The following KMT2A variants were observed in gnomAD, a reference collection of about 807,000 sequenced individuals.
The protein encoded by KMT2A is lysine methyltransferase 2A.
Under a neutral mutation model 345.3 loss-of-function variants are expected in KMT2A, and 16 were observed. That is an observed-to-expected ratio of 0.05 (90% CI 0.03 to 0.07). KMT2A has a LOEUF of 0.07. Ranked by LOEUF, KMT2A falls within the 10% of genes least tolerant of loss-of-function variation. KMT2A has a pLI of 1.00. For synonymous variants in KMT2A, 1,599 were observed against 1,778.6 expected, an observed-to-expected ratio of 0.90 and a Z score of 2.54; for missense variants, 3,272 against 4,841.6, an observed-to-expected ratio of 0.68 and a Z score of 9.62.
Position 118,494,634 on chromosome 11 carries a change from T to C in KMT2A, c.5290-60T>C. On this transcript the variant is annotated intron_variant, in intron 17 of 35. Coordinates refer to ENST00000534358, the MANE Select transcript of KMT2A (RefSeq NM_001197104.2). The surrounding 1 kb of genome is among the most constrained non-coding windows in gnomAD (Gnocchi z 5.8). ...TAACAGAGAAGCTGGTTTGAAGATT[T>C]TTCATGTGGTATCTAAATGAGTGTT... 6.9e-7 allele frequency: 1 copy of C among 1,440,528 alleles called. No homozygotes were observed. Among genetic ancestry groups the C allele is most frequent in the Non-Finnish European group, 9.7e-7 (1 of 1,032,012 alleles). The allele number at this position is 1,440,528 out of a possible 1,614,324, so 89.2% of individuals were successfully genotyped here.
chr11:118,456,015 A>AT (rs1166541315), intron 1 of KMT2A, among the ~76,000 whole-genome samples: 7 of 150,574 alleles, frequency 4.6e-5, no homozygotes, highest in African/African-American at 7.3e-5. Flanking sequence ...TACATTTTTA[A>AT]TTTTTTTTTA....
At chr11:118,440,782 A>ATT (rs797030448) in intron 1 of KMT2A, among the ~76,000 whole-genome samples, 6 of 133,972 alleles carry the variant, frequency 4.5e-5, no homozygotes, top group African/African-American at 5.5e-5. Context: ...GGAGAGCGTG[A>ATT]TTTTTTTTTT....
chr11:118,473,144 G>T lies in KMT2A; in HGVS notation c.1985G>T (p.Gly662Val). ...CCTCCACTAACTCCCGAGGACGTTG[G>T]CTTTGCATCTGGTTTTTCTGCATCT... is the stretch of plus-strand genomic sequence containing the variant. ...RPPPLTPEDV[G>V]FASGFSASGT... Residue 662 changes from glycine to valine, a missense_variant, in exon 3 of 36, where the codon GGC (glycine) becomes GTC (valine). Gly to Val is a moderately radical substitution (Grantham distance 109, BLOSUM62 -3). Transcript: ENST00000534358. This position sits in a 1 kb window ranked among gnomAD's most constrained non-coding sequence, Gnocchi z 5.2. The T allele has an allele frequency of 6.2e-7, 1 of 1,614,074 alleles. No individual in the cohort carries two copies. The highest frequency in any genetic ancestry group is 1.1e-5 in the South Asian group (1 of 91,084).
intron 1 of KMT2A, among the ~76,000 whole-genome samples, chr11:118,464,968 T>C (rs1439470068): frequency 6.6e-6 from 1 of 152,140 alleles, no homozygotes; most frequent in African/African-American, 2.4e-5. Context: ...TTCACCAGAG[T>C]CCTGCTCCAT....
In KMT2A at chr11:118,491,422, A is replaced by C; in HGVS notation, c.4819+104A>C. 1 of 1,144,644 alleles carries C rather than the reference A, an allele frequency of 8.7e-7. No individual in the cohort carries two copies. The highest frequency in any genetic ancestry group is 1.2e-6 in the Non-Finnish European group (1 of 820,642). The allele number at this position is 1,144,644 out of a possible 1,614,324, so 70.9% of individuals were successfully genotyped here. A position where few individuals can be genotyped will look rare whatever the true frequency, so the allele number is the denominator to read the frequency against. Reference sequence around the variant, plus strand: ...AATTATGGTTGTGTTGTTATTTGAAATCTCTAAATTTATTTTTTAGTCTCT... The same window carrying C: ...AATTATGGTTGTGTTGTTATTTGAACTCTCTAAATTTATTTTTTAGTCTCT... On this transcript the variant is annotated intron_variant, in intron 14 of 35. Transcript: ENST00000534358. The surrounding 1 kb of genome is among the most constrained non-coding windows in gnomAD (Gnocchi z 4.2).
chr11:118,521,529 C>A lies in KMT2A; in HGVS notation c.11643+112C>A. 7.8e-7 allele frequency: 1 copy of A among 1,289,176 alleles called. No individual in the cohort carries two copies. Among genetic ancestry groups the A allele is most frequent in the Non-Finnish European group, 1.1e-6 (1 of 948,056 alleles). 79.9% of individuals were successfully genotyped at this position (1,289,176 alleles called of 1,614,324 possible). Reference sequence around the variant, plus strand: ...GTATGTTATCAATTCAGAGACCTTTCTTAAAAAAATAAACTCTGAAATTTG... The same window carrying A: ...GTATGTTATCAATTCAGAGACCTTTATTAAAAAAATAAACTCTGAAATTTG... On this transcript the variant is annotated intron_variant, in intron 35 of 35. Coordinates refer to ENST00000534358, the MANE Select transcript of KMT2A (RefSeq NM_001197104.2). This position sits in a 1 kb window ranked among gnomAD's most constrained non-coding sequence, Gnocchi z 5.3.
intron 1 of KMT2A, among the ~76,000 whole-genome samples, chr11:118,454,040 A>C (rs1282279976): frequency 6.6e-6 from 1 of 152,158 alleles, no homozygotes; most frequent in Admixed American, 6.5e-5. Context: ...TTACATCCAA[A>C]ATAAGCCCTA....
rs1375197863 is a variant in KMT2A at position 118,476,638 on chromosome 11, C to T, written c.3157-167C>T. ...TTTTTTTGTGCTGCCAATTAGGATA[C>T]AGTAATAGTTGATTTCTGTTTTGAT... On this transcript the variant is annotated intron_variant, in intron 3 of 35. Coordinates refer to ENST00000534358, the MANE Select transcript of KMT2A (RefSeq NM_001197104.2). The surrounding 1 kb of genome is among the most constrained non-coding windows in gnomAD (Gnocchi z 4.1). Among the ~76,000 whole-genome samples the T allele has an allele frequency of 6.6e-6, 1 of 152,052 alleles. No homozygotes were observed. The highest frequency in any genetic ancestry group is 1.5e-5 in the Non-Finnish European group (1 of 68,022).
chr11:118,472,609 G>A lies in KMT2A; in HGVS notation c.1450G>A (p.Val484Ile), dbSNP rs560915401. Residue 484 changes from valine (V) to isoleucine (I), a missense_variant, in exon 3 of 36, where the codon GTT becomes ATT. Transcript: ENST00000534358. ...SDSSRSSSPS[V>I]DTSTDSQASE... ...CTCCTCTCGATCTAGTAGCCCCAGT[G>A]TTGATACCTCCACAGACTCTCAGGC... 5 of 1,611,862 alleles carry A rather than the reference G, an allele frequency of 3.1e-6. No individual in the cohort carries two copies. The East Asian group carries it at 6.7e-5, about 22-fold the overall frequency.
Position 118,521,882 on chromosome 11 carries a change from C to A in KMT2A, c.11644-15C>A. 1 of 1,606,642 alleles carries A rather than the reference C, an allele frequency of 6.2e-7. No homozygotes were observed. The highest frequency in any genetic ancestry group is 8.5e-7 in the Non-Finnish European group (1 of 1,173,660). On this transcript the variant is annotated splice_polypyrimidine_tract_variant and intron_variant, in intron 35 of 35. Coordinates refer to ENST00000534358, the MANE Select transcript of KMT2A (RefSeq NM_001197104.2). The surrounding 1 kb of genome is among the most constrained non-coding windows in gnomAD (Gnocchi z 5.3). ...AAGAAATGACAAGTTCTTCTCCCTT[C>A]TTCTGCATGTGCAGGGCATTGGTTG...
At chr11:118,455,679 TA>T (rs1949628127) in intron 1 of KMT2A, among the ~76,000 whole-genome samples, 1 of 148,540 alleles carries the variant, frequency 6.7e-6, no homozygotes, top group East Asian at 1.9e-4. Flanking sequence ...TATTTTTTTT[TA>T]TTTTTATTTT....
intron 27 of KMT2A, among the ~76,000 whole-genome samples, chr11:118,507,172 C>T (rs1950599177): frequency 6.6e-6 from 1 of 152,160 alleles, no homozygotes; most frequent in East Asian, 1.9e-4. Context: ...GTGTTGCACA[C>T]CTGTAGCCCC....
At position 118,505,822 on chromosome 11, in the gene KMT2A, A is replaced by G. The variant is rs371867946; in HGVS notation, c.9930A>G (p.Gly3310=). Residue 3310 remains glycine, a synonymous_variant, in exon 27 of 36, where the codon GGA becomes GGG. Transcript: ENST00000534358. The surrounding 1 kb of genome is among the most constrained non-coding windows in gnomAD (Gnocchi z 4.6). ...EPAPLLPQSV[G]GTAATAAGTS... is the part of the protein sequence containing the mutation. ...CACCCCTGTTACCACAGAGTGTGGG[A>G]GGAACTGCTGCCACAGCGGCAGGCA... 8 of 1,614,060 alleles carry G rather than the reference A, an allele frequency of 5.0e-6. No individual in the cohort carries two copies. In the East Asian group the frequency reaches 6.7e-5, roughly 13 times the overall value.
chr11:118,502,665 G>A lies in KMT2A; in HGVS notation c.6773G>A (p.Ser2258Asn), dbSNP rs1555046152. The change falls in exon 27 of 36, where the codon AGT becomes AAT. Residue 2258 changes from serine to asparagine, a missense_variant. Physicochemically the swap from Ser to Asn is conservative, Grantham distance 46. This residue lies in a region of KMT2A where 445 missense variants were observed against 500.9 expected (regional missense o/e 0.89). Coordinates refer to ENST00000534358, the MANE Select transcript of KMT2A (RefSeq NM_001197104.2). This position sits in a 1 kb window ranked among gnomAD's most constrained non-coding sequence, Gnocchi z 4.9. ...HVLGPLNSSTSLGQNTSTSSN... is the reference protein window; with the variant it reads ...HVLGPLNSSTNLGQNTSTSSN... ...TTAGGGCCACTGAATTCAAGTACTA[G>A]TTTAGGGCAAAACACTTCCACCTCT... is the stretch of plus-strand genomic sequence containing the variant. 1.9e-6 allele frequency: 3 copies of A among 1,614,020 alleles called. No homozygotes were observed. The East Asian group carries it at 6.7e-5, about 36-fold the overall frequency.
rs782720565 is a variant in KMT2A at position 118,484,142 on chromosome 11, AG to A, written c.4087-38del. On this transcript the variant is annotated intron_variant, in intron 8 of 35. Coordinates refer to ENST00000534358, the MANE Select transcript of KMT2A (RefSeq NM_001197104.2). This position sits in a 1 kb window ranked among gnomAD's most constrained non-coding sequence, Gnocchi z 4.1. ...ATCTGTTGCAAATGTGAAGGCAAAT[AG>A]GGTGTGATTTTGTTCTATATTCATC... 1.2e-6 allele frequency: 2 copies of A among 1,600,080 alleles called. No individual in the cohort carries two copies.
intron 27 of KMT2A, among the ~76,000 whole-genome samples, 171 bp from the exon 28 acceptor site, chr11:118,507,358 C>CA (rs1950602454): frequency 6.6e-6 from 1 of 152,164 alleles, no homozygotes; most frequent in Admixed American, 6.5e-5. Context: ...CTTATAAGGT[C>CA]AGTGCCCCCT....
intron 1 of KMT2A, among the ~76,000 whole-genome samples, chr11:118,454,072 C>G: frequency 6.6e-6 from 1 of 152,214 alleles, no homozygotes; most frequent in East Asian, 1.9e-4. Flanking sequence ...CTCTCAACAA[C>G]TTTGCTACCA....
intron 2 of KMT2A, 152 bp downstream of exon 2, chr11:118,468,996 T>A (rs900244270): frequency 4.2e-6 from 2 of 477,888 alleles, no homozygotes; most frequent in Admixed American, 7.7e-5. Flanking sequence ...ATTTATTTAT[T>A]TATTATTGTT....
intron 31 of KMT2A, among the ~76,000 whole-genome samples, chr11:118,514,440 C>CT (rs797029052): frequency 2.1e-3 from 301 of 141,836 alleles, no homozygotes; most frequent in Middle Eastern, 7.5e-3. Context: ...ATCCATGTGT[C>CT]TTTTTTTTTT....
Sources: gnomAD v4.1 joint callset for allele counts (sites outside exome capture counted in the v4.1 genomes callset) on GRCh38, gnomAD v4.1.1 for gene constraint, gnomAD v4.1.1 regional missense constraint, Gnocchi (gnomAD v3.1) non-coding constraint, MANE v1.5 for transcripts, NCBI Gene and HGNC (gene_info 2026-07-23, HGNC 2026-07-21) for gene names.